OPCML: variants seen among roughly 807,000 people sequenced by gnomAD.
OPCML encodes opioid binding protein/cell adhesion molecule like, also known as opioid-binding protein/cell adhesion molecule.
In OPCML, 13 loss-of-function variants were observed where a neutral mutation model predicts 37.8. The ratio of observed to expected loss-of-function variants is 0.34; its 90% confidence interval spans 0.22 to 0.55. OPCML has a LOEUF of 0.55. OPCML is among the 20% of genes least tolerant of loss of function. The pLI is 0.91. For missense variants in OPCML, 341 were observed against 435.6 expected (o/e 0.78, Z 1.93); for synonymous variants, 176 against 168.8 (o/e 1.04, Z -0.33).
intron 1 of OPCML, among the ~76,000 whole-genome samples, chr11:133,430,481 A>T (rs934315815): frequency 4.6e-5 from 7 of 152,244 alleles, no homozygotes; most frequent in Non-Finnish European, 1.5e-5. Context: ...ACTTACAGAC[A>T]ATATAGGTGA....
chr11:132,707,330 G>C (rs560893418), intron 2 of OPCML, among the ~76,000 whole-genome samples: 1 of 152,238 alleles, frequency 6.6e-6, no homozygotes, highest in East Asian at 1.9e-4. Flanking sequence ...AGCTCCAGCA[G>C]ACCACAGGAG....
intron 1 of OPCML, among the ~76,000 whole-genome samples, chr11:133,409,749 G>T (rs1565619023): frequency 6.6e-6 from 1 of 152,100 alleles, no homozygotes; most frequent in Non-Finnish European, 1.5e-5. Flanking sequence ...CAGTAATCAA[G>T]TGATAATCAC....
chr11:132,843,354 C>T (rs1941383307), intron 2 of OPCML, among the ~76,000 whole-genome samples: 1 of 151,994 alleles, frequency 6.6e-6, no homozygotes, highest in Non-Finnish European at 1.5e-5. Flanking sequence ...CCGCCTTGGC[C>T]TCCCAAAGTG....
chr11:132,819,684 T>C (rs990944231), intron 2 of OPCML, among the ~76,000 whole-genome samples: 2 of 152,204 alleles, frequency 1.3e-5, no homozygotes, highest in African/African-American at 4.8e-5. Context: ...TGTCTAGACA[T>C]ATGATATCAA....
At chr11:133,024,823 G>A in intron 1 of OPCML, 1 of 985,370 alleles carries the variant, frequency 1.0e-6, no homozygotes, top group Non-Finnish European at 1.2e-6. Flanking sequence ...TCACTGCCTG[G>A]GTGACCTGGT....
chr11:132,995,217 G>C (rs866376523), intron 1 of OPCML, among the ~76,000 whole-genome samples: 5 of 152,296 alleles, frequency 3.3e-5, no homozygotes, highest in Admixed American at 6.5e-5. Context: ...ATGGAAGTTT[G>C]CTAGGCAGAC....
At chr11:133,072,774 C>A (rs1424603833) in intron 1 of OPCML, among the ~76,000 whole-genome samples, 2 of 152,216 alleles carry the variant, frequency 1.3e-5, no homozygotes, top group Non-Finnish European at 2.9e-5. Flanking sequence ...TGCACCACTG[C>A]ACATCTCTCC....
intron 2 of OPCML, among the ~76,000 whole-genome samples, chr11:132,793,557 C>A (rs1774004779): frequency 6.6e-6 from 1 of 152,082 alleles, no homozygotes; most frequent in Non-Finnish European, 1.5e-5. Context: ...AACTAGGGGG[C>A]CAGAGAGATA....
At chr11:132,611,668 T>C (rs1283374456) in intron 3 of OPCML, among the ~76,000 whole-genome samples, 1 of 152,050 alleles carries the variant, frequency 6.6e-6, no homozygotes, top group Non-Finnish European at 1.5e-5. Flanking sequence ...TATATTATAG[T>C]GGATGTGTGT....
At chr11:133,487,246 TG>T (rs1223695759) in intron 1 of OPCML, among the ~76,000 whole-genome samples, 1 of 152,160 alleles carries the variant, frequency 6.6e-6, no homozygotes, top group African/African-American at 2.4e-5. Flanking sequence ...AGACTTTACA[TG>T]ATCTAATCCT....
rs919117216 is a variant in OPCML at position 132,934,608 on chromosome 11, T to C, written c.146+8318A>G. ...CCTCTGACTATTCAGTAATTCCACT[T>C]GAGGTTTTTGTTGTTGCTGTTGCTG... On this transcript the variant is annotated intron_variant, in intron 2 of 7. Transcript: ENST00000524381. Among the ~76,000 whole-genome samples the C allele has an allele frequency of 2.6e-5, 4 of 152,204 alleles. No homozygotes were observed. The East Asian group carries it at 5.8e-4, about 22-fold the overall frequency.
chr11:132,493,236 T>G (rs2096221551), intron 4 of OPCML, among the ~76,000 whole-genome samples: 1 of 152,192 alleles, frequency 6.6e-6, no homozygotes, highest in Admixed American at 6.5e-5. Context: ...ATGCCATGAC[T>G]GCCCTCAGTA....
intron 1 of OPCML, among the ~76,000 whole-genome samples, chr11:133,001,331 C>T (rs1946998439): frequency 6.6e-6 from 1 of 152,200 alleles, no homozygotes; most frequent in Admixed American, 6.5e-5. Flanking sequence ...TGCATGGCCC[C>T]TTCCTTCCTA....
In OPCML at chr11:132,593,397, G is replaced by C. The variant is rs546474931; in HGVS notation, c.379+63690C>G. On this transcript the variant is annotated intron_variant, in intron 3 of 7. Transcript: ENST00000524381. ...CATTGTATTCCAAACACAATCCTCA[G>C]TCGGTTTCCTGTAGACCATGGCAAG... Among the ~76,000 whole-genome samples, 5 of 152,274 alleles carry C rather than the reference G, an allele frequency of 3.3e-5. No individual in the cohort carries two copies. In the South Asian group the frequency reaches 1.0e-3, roughly 32 times the overall value.
chr11:133,293,885 A>C (rs1942551599), intron 1 of OPCML, among the ~76,000 whole-genome samples: 1 of 134,556 alleles, frequency 7.4e-6, no homozygotes. Context: ...AAGAAAAAAA[A>C]AAAAGACTTC....
intron 1 of OPCML, among the ~76,000 whole-genome samples, chr11:132,961,812 G>T (rs150625383): frequency 6.6e-6 from 1 of 152,282 alleles, no homozygotes. Context: ...ATCTCTCTCT[G>T]CATTAGCTCC....
intron 1 of OPCML, chr11:133,008,719 G>T: frequency 4.2e-6 from 1 of 240,336 alleles, no homozygotes; most frequent in Non-Finnish European, 6.7e-6. Flanking sequence ...CCACAGGACT[G>T]ACTGAGGCCT....
chr11:133,059,163 G>C (rs1427143188), intron 1 of OPCML, among the ~76,000 whole-genome samples: 1 of 152,218 alleles, frequency 6.6e-6, no homozygotes, highest in Non-Finnish European at 1.5e-5. Flanking sequence ...GCACAGACCA[G>C]TACTAGGGAC....
intron 2 of OPCML, among the ~76,000 whole-genome samples, chr11:132,725,768 G>A (rs796679781): frequency 1.4e-5 from 2 of 138,610 alleles, no homozygotes; most frequent in South Asian, 4.6e-4. Flanking sequence ...GCAACAGCGA[G>A]ACTCCATCTC....
Sources: allele counts gnomAD v4.1 joint callset (sites outside exome capture counted in the v4.1 genomes callset), GRCh38; gene constraint gnomAD v4.1.1; transcripts MANE v1.5; gene names NCBI Gene and HGNC (gene_info 2026-07-23, HGNC 2026-07-21).